Variants in SLC1A2 observed in about 807,000 individuals in gnomAD.
The protein encoded by SLC1A2 is excitatory amino acid transporter 2.
In SLC1A2, 15 loss-of-function variants were observed where a neutral mutation model predicts 48.8. The ratio of observed to expected loss-of-function variants is 0.31; its 90% CI spans 0.21 to 0.47. The LOEUF (loss-of-function observed/expected upper bound fraction) is 0.47. SLC1A2 is among the 20% of genes least tolerant of loss of function. The pLI is 0.99. For synonymous variants in SLC1A2, 279 were observed against 272.6 expected (o/e 1.02, Z -0.23); for missense variants, 502 against 730.5 (o/e 0.69, Z 3.61).
At chr11:35,277,934 T>A (rs976895268) in intron 9 of SLC1A2, among the ~76,000 whole-genome samples, 1 of 152,194 alleles carries the variant, frequency 6.6e-6, no homozygotes, top group Admixed American at 6.5e-5. Flanking sequence ...TTTGTATCCT[T>A]CATCCCCTTC....
chr11:35,352,786 A>G (rs1853310067), intron 1 of SLC1A2, among the ~76,000 whole-genome samples: 2 of 152,204 alleles, frequency 1.3e-5, no homozygotes, highest in South Asian at 4.1e-4. Flanking sequence ...AAACTGCACC[A>G]TGCGAGAAAT....
intron 1 of SLC1A2, among the ~76,000 whole-genome samples, chr11:35,351,968 C>T (rs898869557): frequency 3.3e-5 from 5 of 152,024 alleles, no homozygotes; most frequent in African/African-American, 1.2e-4. Context: ...TACATTGCAT[C>T]GAGAAAAAAG....
intron 3 of SLC1A2, among the ~76,000 whole-genome samples, chr11:35,314,675 C>T (rs2756218): frequency 0.52 from 78,510 of 150,222 alleles, 21,178 homozygotes; most frequent in South Asian, 0.67. Context: ...ATTGCACCAC[C>T]GCACTCCAGC....
intron 1 of SLC1A2, among the ~76,000 whole-genome samples, chr11:35,413,968 C>T (rs919674382): frequency 6.6e-6 from 1 of 152,228 alleles, no homozygotes. Context: ...CCCCAAACAT[C>T]ATTCAAGGTC....
At chr11:35,322,821 T>C in intron 1 of SLC1A2, 1 of 697,198 alleles carries the variant, frequency 1.4e-6, no homozygotes. Flanking sequence ...GCTTTGATTG[T>C]CCCACATCCA....
rs1214728227 is a variant in SLC1A2 at position 35,257,650 on chromosome 11, A to C, written c.*3244T>G. 6.6e-6 allele frequency: 1 copy of C among 152,208 alleles called. No homozygotes were observed. Among genetic ancestry groups the C allele is most frequent in the Non-Finnish European group, 1.5e-5 (1 of 68,036 alleles). The allele number at this position is 152,208 out of a possible 1,614,324, so 9.4% of individuals were successfully genotyped here. A position where few individuals can be genotyped will look rare whatever the true frequency, so the allele number is the denominator to read the frequency against. On this transcript the variant is annotated 3_prime_UTR_variant, in exon 11 of 11. Coordinates refer to ENST00000278379, the MANE Select transcript of SLC1A2 (RefSeq NM_004171.4). ...CTTCTCACTGATTGGATTGGATTTG[A>C]TTCATTGAATTTGAGTAAGTAATTA...
intron 1 of SLC1A2, among the ~76,000 whole-genome samples, chr11:35,360,944 C>T (rs1342047291): frequency 3.3e-5 from 5 of 151,874 alleles, no homozygotes; most frequent in Non-Finnish European, 5.9e-5. Flanking sequence ...GGTGCAATCT[C>T]GGCCCACTGC....
chr11:35,275,200 C>CT (rs1345538148), intron 9 of SLC1A2, among the ~76,000 whole-genome samples: 5 of 152,238 alleles, frequency 3.3e-5, no homozygotes, highest in Non-Finnish European at 7.3e-5. Flanking sequence ...GGTGGAGGCT[C>CT]TTTGAGGTCT....
chr11:35,418,193 A>T (rs905425342), intron 1 of SLC1A2, among the ~76,000 whole-genome samples: 4 of 152,144 alleles, frequency 2.6e-5, no homozygotes, highest in Non-Finnish European at 5.9e-5. Context: ...CTTGCTAAAG[A>T]CAATTGTCTT....
At chr11:35,313,953 A>G (rs571884516) in intron 3 of SLC1A2, among the ~76,000 whole-genome samples, 2 of 152,300 alleles carry the variant, frequency 1.3e-5, no homozygotes, top group African/African-American at 4.8e-5. Flanking sequence ...CAACTTCTCC[A>G]GATCACTTAG....
At chr11:35,360,536 C>T (rs1565274675) in intron 1 of SLC1A2, among the ~76,000 whole-genome samples, 1 of 152,180 alleles carries the variant, frequency 6.6e-6, no homozygotes, top group Non-Finnish European at 1.5e-5. Context: ...ACATTTAACC[C>T]TGACCCAGTA....
At chr11:35,311,893 G>A (rs78984866) in intron 4 of SLC1A2, among the ~76,000 whole-genome samples, 10,867 of 68,690 alleles carry the variant, frequency 0.16, 1,387 homozygotes, top group Middle Eastern at 0.23. Flanking sequence ...AGAGAGAGAG[G>A]GAGGGAGAGA....
chr11:35,412,088 T>C (rs1002779019), intron 1 of SLC1A2, among the ~76,000 whole-genome samples: 1 of 148,238 alleles, frequency 6.7e-6, no homozygotes, highest in Admixed American at 6.7e-5. Context: ...GAAGGATCCA[T>C]GAAATTTTAA....
intron 4 of SLC1A2, 95 bp downstream of exon 4, chr11:35,312,103 T>C: frequency 1.6e-6 from 2 of 1,284,912 alleles, no homozygotes; most frequent in Non-Finnish European, 2.2e-6. Flanking sequence ...ATTTAGAAAA[T>C]TTCTACCCAG....
At chr11:35,412,149 T>C (rs745878501) in intron 1 of SLC1A2, among the ~76,000 whole-genome samples, 6 of 149,636 alleles carry the variant, frequency 4.0e-5, no homozygotes, top group Non-Finnish European at 5.9e-5. Context: ...ACAGTACAAT[T>C]AGATGACAAA....
intron 1 of SLC1A2, among the ~76,000 whole-genome samples, chr11:35,398,863 A>G (rs77534797): frequency 0.1 from 15,555 of 152,198 alleles, 2,274 homozygotes; most frequent in African/African-American, 0.33. Flanking sequence ...ACCGCTGCCC[A>G]ACTGCGTCAG....
intron 9 of SLC1A2, among the ~76,000 whole-genome samples, chr11:35,271,565 C>T (rs1475398134): frequency 1.3e-5 from 2 of 152,148 alleles, no homozygotes; most frequent in Admixed American, 1.3e-4. Context: ...TAATTATTAT[C>T]TAGGGATCAG....
At chr11:35,261,619 T>C (rs1950395015) in intron 10 of SLC1A2, 1 of 398,558 alleles carries the variant, frequency 2.5e-6, no homozygotes, top group South Asian at 1.3e-4. Context: ...TGAACCTTTT[T>C]GCAGAATAGG....
At chr11:35,284,543 T>TTGTGTGTGTGTG (rs34712517) in intron 8 of SLC1A2, among the ~76,000 whole-genome samples, 2 of 150,052 alleles carry the variant, frequency 1.3e-5, no homozygotes, top group Admixed American at 1.3e-4. Flanking sequence ...TGTTTTCATA[T>TTGTGTGTGTGTG]TGTGTGTGTG....
Sources: gnomAD v4.1 joint callset for allele counts (sites outside exome capture counted in the v4.1 genomes callset) on GRCh38, gnomAD v4.1.1 for gene constraint, MANE v1.5 for transcripts, NCBI Gene and HGNC (gene_info 2026-07-23, HGNC 2026-07-21) for gene names.